Variants in TMEM132D observed in about 807,000 individuals in gnomAD.
TMEM132D encodes the protein mature OL transmembrane protein.
A neutral mutation model predicts 62.3 loss-of-function variants in TMEM132D; 21 were observed. The ratio of observed to expected loss-of-function variants is 0.34; its 90% CI spans 0.24 to 0.49. The LOEUF (loss-of-function observed/expected upper bound fraction) is 0.49. Among genes scored for constraint, TMEM132D ranks in the 20% least tolerant of loss-of-function variants. The probability of loss-of-function intolerance (pLI) is 0.99; values close to 1 mark genes in which losing one functional copy is unlikely to be tolerated. For missense variants in TMEM132D, 1,346 were observed against 1,402.8 expected (o/e 0.96, Z 0.65); for synonymous variants, 621 against 575.6 (o/e 1.08, Z -1.13).
At chr12:129,203,082 G>C (rs563725669) in intron 5 of TMEM132D, among the ~76,000 whole-genome samples, 1 of 152,262 alleles carries the variant, frequency 6.6e-6, no homozygotes, top group African/African-American at 2.4e-5. Flanking sequence ...CTAACTGCAC[G>C]TTCAACCACA....
intron 1 of TMEM132D, among the ~76,000 whole-genome samples, chr12:129,725,614 T>C (rs2137247953): frequency 6.6e-6 from 1 of 152,350 alleles, no homozygotes; most frequent in Admixed American, 6.5e-5. Context: ...GCAAATAGTT[T>C]CACAGTGTAC....
At chr12:129,481,104 T>C in intron 3 of TMEM132D, among the ~76,000 whole-genome samples, 1 of 151,726 alleles carries the variant, frequency 6.6e-6, no homozygotes, top group Non-Finnish European at 1.5e-5. Context: ...AGGTCCAAGG[T>C]GCCTCTCAAG....
At chr12:129,345,958 G>A (rs1410630509) in intron 3 of TMEM132D, among the ~76,000 whole-genome samples, 1 of 152,182 alleles carries the variant, frequency 6.6e-6, no homozygotes, top group Non-Finnish European at 1.5e-5. Context: ...TTCATAAAAT[G>A]AGTTAGGGAG....
chr12:129,186,611 A>G (rs1878229227), intron 5 of TMEM132D, among the ~76,000 whole-genome samples: 1 of 152,162 alleles, frequency 6.6e-6, no homozygotes. Flanking sequence ...CCTGGGTTCA[A>G]GCTTGGGCAT....
chr12:129,420,006 G>T (rs766930122), intron 3 of TMEM132D, among the ~76,000 whole-genome samples: 12 of 152,104 alleles, frequency 7.9e-5, no homozygotes, highest in Non-Finnish European at 1.8e-4. Context: ...TAACATTATT[G>T]TAAATATACA....
intron 2 of TMEM132D, among the ~76,000 whole-genome samples, chr12:129,661,949 T>C (rs1880246648): frequency 6.6e-6 from 1 of 152,170 alleles, no homozygotes; most frequent in Admixed American, 6.5e-5. Context: ...GTAATTAATA[T>C]TTAATAAACA....
intron 3 of TMEM132D, among the ~76,000 whole-genome samples, chr12:129,363,530 T>C (rs1870316713): frequency 6.6e-6 from 1 of 152,222 alleles, no homozygotes; most frequent in African/African-American, 2.4e-5. Flanking sequence ...CAAATGAAAG[T>C]GCTGAGAGGC....
chr12:129,718,596 G>C (rs1868683749), intron 1 of TMEM132D, among the ~76,000 whole-genome samples: 1 of 152,196 alleles, frequency 6.6e-6, no homozygotes, highest in South Asian at 2.1e-4. Flanking sequence ...GGAAGAAAGT[G>C]ATATTTACTG....
At chr12:129,648,674 G>T (rs976831085) in intron 2 of TMEM132D, among the ~76,000 whole-genome samples, 6 of 152,114 alleles carry the variant, frequency 3.9e-5, no homozygotes, top group Non-Finnish European at 5.9e-5. Context: ...TGTTCAATTG[G>T]TATACAAGTC....
At chr12:129,622,296 A>T (rs969406628) in intron 2 of TMEM132D, among the ~76,000 whole-genome samples, 1 of 152,230 alleles carries the variant, frequency 6.6e-6, no homozygotes, top group Non-Finnish European at 1.5e-5. Flanking sequence ...GATGACGAGA[A>T]GATGACGTTG....
intron 1 of TMEM132D, among the ~76,000 whole-genome samples, chr12:129,727,657 T>C (rs993389240): frequency 1.3e-5 from 2 of 152,186 alleles, no homozygotes; most frequent in African/African-American, 4.8e-5. Flanking sequence ...ATGAGCTTCC[T>C]GATGACTTTC....
chr12:129,238,178 T>C (rs1204504146), intron 4 of TMEM132D, among the ~76,000 whole-genome samples: 1 of 152,096 alleles, frequency 6.6e-6, no homozygotes, highest in African/African-American at 2.4e-5. Flanking sequence ...GGTGGATGGG[T>C]GCACACAGGC....
intron 1 of TMEM132D, among the ~76,000 whole-genome samples, chr12:129,881,436 T>A (rs773951640): frequency 2.6e-5 from 4 of 151,998 alleles, no homozygotes; most frequent in Non-Finnish European, 2.9e-5. Context: ...CAAGGTAGAC[T>A]GCATTCTGGA....
chr12:129,795,953 A>C lies in TMEM132D; in HGVS notation c.80-95255T>G, dbSNP rs1236406253. On this transcript the variant is annotated intron_variant, in intron 1 of 8. Coordinates refer to ENST00000422113, the MANE Select transcript of TMEM132D (RefSeq NM_133448.3). ...AGTGCCTGGATTACGTTGGCTTCCT[A>C]AAATTCATTAAAATATTTTTTCCTT... Among the ~76,000 whole-genome samples the C allele has an allele frequency of 2.0e-5, 3 of 152,172 alleles. No individual in the cohort carries two copies. The East Asian group carries it at 5.8e-4, about 29-fold the overall frequency.
At chr12:129,492,271 T>G (rs1252449598) in intron 3 of TMEM132D, among the ~76,000 whole-genome samples, 1 of 152,214 alleles carries the variant, frequency 6.6e-6, no homozygotes, top group Non-Finnish European at 1.5e-5. Context: ...AGGAAATACT[T>G]CCTGGGAGAT....
chr12:129,873,170 C>T (rs1156945155), intron 1 of TMEM132D, among the ~76,000 whole-genome samples: 3 of 152,134 alleles, frequency 2.0e-5, no homozygotes, highest in African/African-American at 4.8e-5. Context: ...ATTGCTCAGA[C>T]GGTTATTTTT....
chr12:129,362,792 G>A (rs1593351628), intron 3 of TMEM132D, among the ~76,000 whole-genome samples: 1 of 152,196 alleles, frequency 6.6e-6, no homozygotes, highest in East Asian at 1.9e-4. Flanking sequence ...GAATACGGTA[G>A]AATTGGCAAG....
At position 129,642,003 on chromosome 12, in the gene TMEM132D, C is replaced by T. The variant is rs186576148; in HGVS notation, c.968+57807G>A. 4.3e-4 allele frequency among the ~76,000 whole-genome samples: 66 copies of T among 152,098 alleles called. 1 individual carries two copies. The highest frequency in any genetic ancestry group is 1.6e-3 in the African/African-American group (66 of 41,512). On this transcript the variant is annotated intron_variant, in intron 2 of 8. Transcript: ENST00000422113. ...CTCATAGAACACTTTACAGCTCCAT[C>T]CCATCTTAAACCAAGCAGAAAATGC...
Position 129,312,841 on chromosome 12 carries a change from T to C in TMEM132D, c.1299+24793A>G, listed in dbSNP as rs185648817. Among the ~76,000 whole-genome samples the C allele has an allele frequency of 1.2e-3, 177 of 152,218 alleles. 1 individual carries two copies. The highest frequency in any genetic ancestry group is 3.5e-3 in the Admixed American group (54 of 15,300). ...AACAGACAATAAGCAGAAAAATAAA[T>C]AAAATAGATGAAGCATCAGATGTTG... On this transcript the variant is annotated intron_variant, in intron 4 of 8. Coordinates refer to ENST00000422113, the MANE Select transcript of TMEM132D (RefSeq NM_133448.3).
Sources: allele counts gnomAD v4.1 joint callset (sites outside exome capture counted in the v4.1 genomes callset), GRCh38; gene constraint gnomAD v4.1.1; transcripts MANE v1.5; gene names NCBI Gene and HGNC (gene_info 2026-07-23, HGNC 2026-07-21).